Variants in KIFC3 observed in about 807,000 individuals in gnomAD.
The protein encoded by KIFC3 is kinesin family member C3, also known as kinesin-like protein KIFC3.
A neutral mutation model predicts 101.8 loss-of-function variants in KIFC3; 60 were observed. That is an observed-to-expected ratio of 0.59 (90% CI 0.48 to 0.73). KIFC3 has a LOEUF of 0.73. KIFC3 is among the 30% of genes least tolerant of loss of function. KIFC3 has a pLI of 0.00. For missense variants in KIFC3, 966 were observed against 1,137.1 expected (o/e 0.85, Z 2.16); for synonymous variants, 476 against 482.7 (o/e 0.99, Z 0.18).
intron 1 of KIFC3, among the ~76,000 whole-genome samples, chr16:57,818,704 T>C (rs1555629367): frequency 6.6e-6 from 1 of 152,170 alleles, no homozygotes; most frequent in Admixed American, 6.5e-5. Context: ...TACTGCACTA[T>C]GTAGGCTCCA....
chr16:57,800,386 G>A (rs991638560), intron 1 of KIFC3, among the ~76,000 whole-genome samples: 1 of 152,340 alleles, frequency 6.6e-6, no homozygotes, highest in East Asian at 1.9e-4. Context: ...CCAGTGTGGC[G>A]TGGAAGAAAC....
intron 1 of KIFC3, among the ~76,000 whole-genome samples, chr16:57,831,358 G>A (rs1051177647): frequency 1.3e-5 from 2 of 152,152 alleles, no homozygotes; most frequent in African/African-American, 2.4e-5. Context: ...TTCTCAAACC[G>A]CACTGTGCAC....
At chr16:57,781,443 C>A (rs1329206360) in intron 3 of KIFC3, among the ~76,000 whole-genome samples, 1 of 152,192 alleles carries the variant, frequency 6.6e-6, no homozygotes, top group Non-Finnish European at 1.5e-5. Context: ...CAGGACATGG[C>A]CTGGGACTGT....
At position 57,772,471 on chromosome 16, in the gene KIFC3, C is replaced by T. The variant is rs2051380906; in HGVS notation, c.316-183G>A. The T allele has an allele frequency of 5.5e-6, 3 of 545,646 alleles. No individual in the cohort carries two copies. The Admixed American group carries it at 9.4e-5, about 17-fold the overall frequency. The allele number at this position is 545,646 out of a possible 1,614,324, so 33.8% of individuals were successfully genotyped here. A position where few individuals can be genotyped will look rare whatever the true frequency, so the allele number is the denominator to read the frequency against. ...GGACTTCAGGTGAGAGAAACCTGGG[C>T]TGGTGCTGACAGCCTCCCGCACCCT... On this transcript the variant is annotated intron_variant, in intron 3 of 19. Coordinates refer to ENST00000445690, the MANE Select transcript of KIFC3 (RefSeq NM_001130100.2).
chr16:57,819,211 T>C (rs1555629508), intron 1 of KIFC3, among the ~76,000 whole-genome samples: 3 of 152,218 alleles, frequency 2.0e-5, no homozygotes, highest in Non-Finnish European at 2.9e-5. Flanking sequence ...GGCTCACGCA[T>C]GTACTCCCAG....
intron 1 of KIFC3, among the ~76,000 whole-genome samples, chr16:57,837,922 A>T (rs570105704): frequency 1.2e-4 from 19 of 152,266 alleles, no homozygotes; most frequent in African/African-American, 4.3e-4. Flanking sequence ...GGCCATACAG[A>T]TTGGCCTTGG....
chr16:57,764,674 G>A (rs1456309140), intron 11 of KIFC3, among the ~76,000 whole-genome samples: 4 of 152,238 alleles, frequency 2.6e-5, no homozygotes, highest in African/African-American at 9.6e-5. Context: ...CAGAGATAAG[G>A]GAAGAGTGGA....
chr16:57,847,507 C>T (rs2058005599), intron 1 of KIFC3, among the ~76,000 whole-genome samples: 1 of 151,970 alleles, frequency 6.6e-6, no homozygotes, highest in Non-Finnish European at 1.5e-5. Flanking sequence ...GGGGAAGAAA[C>T]AACACACATT....
chr16:57,787,043 T>C lies in KIFC3; in HGVS notation c.315+7956A>G, dbSNP rs79007937. Among the ~76,000 whole-genome samples the C allele has an allele frequency of 2.7e-3, 411 of 152,332 alleles. 2 individuals are homozygous for C. The highest frequency in any genetic ancestry group is 9.5e-3 in the African/African-American group (395 of 41,584). On this transcript the variant is annotated intron_variant, in intron 3 of 19. Transcript: ENST00000445690. ...TGTGTGGCCTGCACGTGATGCAGCA[T>C]GTATGTCACACAGAGCTGGCCAAGC...
At chr16:57,847,944 T>A (rs2055969851) in intron 1 of KIFC3, among the ~76,000 whole-genome samples, 1 of 151,782 alleles carries the variant, frequency 6.6e-6, no homozygotes, top group Non-Finnish European at 1.5e-5. Flanking sequence ...CCCCACCACA[T>A]CTGGCTAATT....
At chr16:57,766,818 C>A in intron 10 of KIFC3, 56 bp downstream of exon 10, 1 of 1,275,754 alleles carries the variant, frequency 7.8e-7, no homozygotes, top group Non-Finnish European at 1.1e-6. Flanking sequence ...GCATGACTGC[C>A]AAGCCAGGTC....
intron 1 of KIFC3, among the ~76,000 whole-genome samples, chr16:57,817,637 G>T (rs1250746311): frequency 6.6e-6 from 1 of 152,098 alleles, no homozygotes; most frequent in Non-Finnish European, 1.5e-5. Context: ...CTCTTCTTAG[G>T]AGGACACCAG....
At chr16:57,772,160 AG>A (rs2148977476) in intron 4 of KIFC3, 62 bp downstream of exon 4, 1 of 1,441,502 alleles carries the variant, frequency 6.9e-7, no homozygotes, top group African/African-American at 1.4e-5. Context: ...TGCCCCTGGC[AG>A]GGCCCATCTG....
rs925646981 is a variant in KIFC3, at chr16:57,776,150, C to A, written c.316-3862G>T. 11 of 985,308 alleles carry A rather than the reference C, an allele frequency of 1.1e-5. No individual in the cohort carries two copies. The African/African-American group carries it at 1.7e-4, about 16-fold the overall frequency. 61.0% of individuals were successfully genotyped at this position (985,308 alleles called of 1,614,324 possible). On this transcript the variant is annotated intron_variant, in intron 3 of 19. Coordinates refer to ENST00000445690, the MANE Select transcript of KIFC3 (RefSeq NM_001130100.2). Reference sequence around the variant, plus strand: ...CTTACCTCCCACCAAGCCCAGTCAACGATCATCAGCTGTCTGCTGAGGAAA... The same window carrying A: ...CTTACCTCCCACCAAGCCCAGTCAAAGATCATCAGCTGTCTGCTGAGGAAA...
At position 57,798,275 on chromosome 16, in the gene KIFC3, C is replaced by T; in HGVS notation, c.-32G>A. On this transcript the variant is annotated 5_prime_UTR_variant, in exon 2 of 20. Transcript: ENST00000445690. The stretch of plus-strand genomic sequence containing the variant: ...GGGCTCAGCAGCCTCCTCGGGGCAC[C>T]AGGCAGCCTGCGGAGAGAACAAGGG... 1 of 1,549,588 alleles carries T rather than the reference C, an allele frequency of 6.5e-7. No individual in the cohort carries two copies. Among genetic ancestry groups the T allele is most frequent in the Non-Finnish European group, 8.7e-7 (1 of 1,147,794 alleles).
intron 1 of KIFC3, among the ~76,000 whole-genome samples, chr16:57,839,641 T>A (rs2055763710): frequency 6.6e-6 from 1 of 152,170 alleles, no homozygotes; most frequent in Non-Finnish European, 1.5e-5. Flanking sequence ...CTATCATCGT[T>A]CCCTTCATTT....
chr16:57,835,509 G>A (rs2055667840), intron 1 of KIFC3, among the ~76,000 whole-genome samples: 2 of 152,142 alleles, frequency 1.3e-5, no homozygotes, highest in Admixed American at 6.6e-5. Flanking sequence ...TTACATATTA[G>A]CATTTTCTAT....
intron 3 of KIFC3, chr16:57,788,618 C>G (rs1555618871): frequency 7.8e-7 from 1 of 1,289,580 alleles, no homozygotes; most frequent in South Asian, 1.2e-5. Context: ...CCCGGGCCTC[C>G]CGGGCCCGCC....
At chr16:57,767,851 T>A (rs1264024350) in intron 9 of KIFC3, among the ~76,000 whole-genome samples, 1 of 152,094 alleles carries the variant, frequency 6.6e-6, no homozygotes, top group African/African-American at 2.4e-5. Flanking sequence ...TTTTTTATAT[T>A]TTTTTGTAGA....
Sources: gnomAD v4.1 joint callset for allele counts (sites outside exome capture counted in the v4.1 genomes callset) on GRCh38, gnomAD v4.1.1 for gene constraint, MANE v1.5 for transcripts, NCBI Gene and HGNC (gene_info 2026-07-23, HGNC 2026-07-21) for gene names.